BPTF: variants seen among roughly 807,000 people sequenced by gnomAD.
BPTF encodes the protein bromodomain PHD finger transcription factor, also known as nucleosome-remodeling factor subunit BPTF.
A neutral mutation model predicts 292.5 loss-of-function variants in BPTF; 18 were observed. That is an observed-to-expected ratio of 0.06 (90% confidence interval 0.04 to 0.09). BPTF has a LOEUF of 0.09. Among genes scored for constraint, BPTF ranks in the 10% least tolerant of loss-of-function variants. The pLI is 1.00. For synonymous variants in BPTF, 1,225 were observed against 1,251.9 expected (o/e 0.98, Z 0.45); for missense variants, 2,726 against 3,498.7 (o/e 0.78, Z 5.57).
At chr17:67,857,505 C>G (rs1278754335) in intron 2 of BPTF, among the ~76,000 whole-genome samples, 1 of 149,890 alleles carries the variant, frequency 6.7e-6, no homozygotes, top group Non-Finnish European at 1.5e-5. Context: ...CCCTTTGTCA[C>G]CCAGGCTCTG....
chr17:67,853,424 T>G (rs1402844879), intron 1 of BPTF, among the ~76,000 whole-genome samples: 1 of 152,332 alleles, frequency 6.6e-6, no homozygotes, highest in Middle Eastern at 3.4e-3. Flanking sequence ...AGGAGGTACT[T>G]CTGACAAAAA....
Position 67,947,780 on chromosome 17 carries a change from A to G in BPTF, c.7672A>G (p.Thr2558Ala). The G allele has an allele frequency of 6.4e-7, 1 of 1,553,204 alleles. No homozygotes were observed. The highest frequency in any genetic ancestry group is 8.7e-7 in the Non-Finnish European group (1 of 1,147,654). Residue 2558 changes from threonine (T) to alanine (A), a missense_variant, in exon 22 of 28, where the codon ACT becomes GCT. Physicochemically the swap from Thr to Ala is moderately conservative, Grantham distance 58. Transcript: ENST00000306378. ...ACATTTAAAACAGAAAAAGAGCATGACTCCAGCTGAAAGAGAAGAGAATCA... is the reference window on the plus strand; with the variant it reads ...ACATTTAAAACAGAAAAAGAGCATGGCTCCAGCTGAAAGAGAAGAGAATCA... ...IEHLKQKKSM[T>A]PAEREENQRM...
chr17:67,978,253 A>G (rs2069799514), intron 27 of BPTF, among the ~76,000 whole-genome samples: 1 of 151,562 alleles, frequency 6.6e-6, no homozygotes, highest in Non-Finnish European at 1.5e-5. Context: ...TGGCCTCCCA[A>G]AGTGCTGGGG....
intron 1 of BPTF, among the ~76,000 whole-genome samples, chr17:67,850,669 GTGTTTT>G (rs935707487): frequency 1.3e-5 from 2 of 152,068 alleles, no homozygotes; most frequent in Non-Finnish European, 2.9e-5. Flanking sequence ...ACCTGGCCCT[GTGTTTT>G]TGTTTTTAAG....
chr17:67,939,555 A>C (rs187074163), intron 18 of BPTF, among the ~76,000 whole-genome samples: 3 of 152,334 alleles, frequency 2.0e-5, no homozygotes, highest in Admixed American at 2.0e-4. Flanking sequence ...TCATTCATTC[A>C]ATAGACATTT....
chr17:67,830,188 G>C (rs1408044230), intron 1 of BPTF, among the ~76,000 whole-genome samples: 2 of 152,208 alleles, frequency 1.3e-5, no homozygotes, highest in African/African-American at 4.8e-5. Flanking sequence ...TTAAGCATTT[G>C]CTAATTTTAA....
At chr17:67,924,624 C>A (rs529455142) in intron 15 of BPTF, 35 bp downstream of exon 15, 1 of 1,599,206 alleles carries the variant, frequency 6.3e-7, no homozygotes. Context: ...GACATCAAGG[C>A]CCAAATGGAG....
chr17:67,835,399 G>A (rs1477999690), intron 1 of BPTF, among the ~76,000 whole-genome samples: 1 of 152,156 alleles, frequency 6.6e-6, no homozygotes, highest in Non-Finnish European at 1.5e-5. Flanking sequence ...TTAGACCAGG[G>A]GGAATTTACC....
At chr17:67,838,792 C>T (rs2057332102) in intron 1 of BPTF, among the ~76,000 whole-genome samples, 1 of 152,182 alleles carries the variant, frequency 6.6e-6, no homozygotes, top group African/African-American at 2.4e-5. Context: ...TGCATACATA[C>T]TTTTTACAAA....
At chr17:67,864,453 A>G (rs1389233929) in intron 2 of BPTF, among the ~76,000 whole-genome samples, 2 of 149,594 alleles carry the variant, frequency 1.3e-5, no homozygotes, top group Admixed American at 6.7e-5. Context: ...GCTTGAACCC[A>G]GGAGGCAGAG....
intron 9 of BPTF, among the ~76,000 whole-genome samples, chr17:67,909,201 T>C (rs1034188439): frequency 6.7e-6 from 1 of 148,998 alleles, no homozygotes; most frequent in Non-Finnish European, 1.5e-5. Flanking sequence ...TTTTTTTTAA[T>C]TTTTGGACAC....
chr17:67,844,653 G>A (rs1295830353), intron 1 of BPTF, among the ~76,000 whole-genome samples: 3 of 151,154 alleles, frequency 2.0e-5, no homozygotes, highest in South Asian at 2.1e-4. Context: ...TGCCCATCTC[G>A]GCCTCCCAAA....
intron 13 of BPTF, among the ~76,000 whole-genome samples, chr17:67,921,760 G>C (rs547755018): frequency 4.8e-4 from 73 of 151,692 alleles, no homozygotes; most frequent in African/African-American, 1.7e-3. Flanking sequence ...GGCCAGGTGC[G>C]GTGGCTTCCG....
intron 19 of BPTF, among the ~76,000 whole-genome samples, chr17:67,943,621 A>G (rs1014395236): frequency 1.3e-5 from 2 of 152,174 alleles, no homozygotes; most frequent in Non-Finnish European, 2.9e-5. Flanking sequence ...GACAAAATTC[A>G]GGAGATCTAG....
intron 1 of BPTF, among the ~76,000 whole-genome samples, chr17:67,847,375 G>A (rs2058096041): frequency 6.6e-6 from 1 of 152,048 alleles, no homozygotes; most frequent in African/African-American, 2.4e-5. Context: ...TTAGCCGGGC[G>A]TGGTGGCACA....
intron 14 of BPTF, among the ~76,000 whole-genome samples, chr17:67,923,389 A>G (rs773658822): frequency 6.7e-6 from 1 of 149,992 alleles, no homozygotes; most frequent in Non-Finnish European, 1.5e-5. Context: ...TATTCAGTGC[A>G]GTAAAGTCCT....
chr17:67,925,884 C>A (rs1298973470), intron 15 of BPTF, among the ~76,000 whole-genome samples: 1 of 151,644 alleles, frequency 6.6e-6, no homozygotes, highest in Non-Finnish European at 1.5e-5. Context: ...CTGTCTGTCA[C>A]AGGAAACCAA....
chr17:67,977,085 ATAAATC>A (rs1444976579), intron 27 of BPTF, among the ~76,000 whole-genome samples: 101 of 152,344 alleles, frequency 6.6e-4, no homozygotes, highest in East Asian at 2.7e-3. Context: ...TTATGGAAGA[ATAAATC>A]TAAAAGTTTA....
intron 26 of BPTF, among the ~76,000 whole-genome samples, chr17:67,971,772 G>A (rs1242634614): frequency 6.9e-6 from 1 of 144,630 alleles, no homozygotes; most frequent in Non-Finnish European, 1.5e-5. Context: ...GCGTTGCAGT[G>A]ATCTGAGATC....
Sources: allele counts gnomAD v4.1 joint callset (sites outside exome capture counted in the v4.1 genomes callset), GRCh38; gene constraint gnomAD v4.1.1; transcripts MANE v1.5; gene names NCBI Gene and HGNC (gene_info 2026-07-23, HGNC 2026-07-21).